Variants in APMAP observed in about 807,000 individuals in gnomAD.
APMAP encodes adipocyte plasma membrane associated protein.
Under a neutral mutation model 43.6 loss-of-function variants are expected in APMAP, and 33 were observed. The ratio of observed to expected loss-of-function variants is 0.76; its 90% confidence interval spans 0.57 to 1.01. APMAP has a LOEUF of 1.01. APMAP is among the 50% of genes least tolerant of loss of function. The probability of loss-of-function intolerance (pLI) is 0.00; values close to 1 mark genes in which losing one functional copy is unlikely to be tolerated. For missense variants in APMAP, 498 were observed against 540.7 expected, an observed-to-expected ratio of 0.92 and a Z score of 0.78; for synonymous variants, 224 against 216.7, an observed-to-expected ratio of 1.03 and a Z score of -0.30.
At chr20:24,977,584 T>C (rs1005155019) in intron 3 of APMAP, among the ~76,000 whole-genome samples, 1 of 152,120 alleles carries the variant, frequency 6.6e-6, no homozygotes, top group African/African-American at 2.4e-5. Context: ...AGGACCCCAC[T>C]GTGCCTGGCC....
chr20:24,983,317 G>A (rs1433315034), intron 2 of APMAP, among the ~76,000 whole-genome samples: 1 of 152,182 alleles, frequency 6.6e-6, no homozygotes, highest in African/African-American at 2.4e-5. Context: ...GGAAATTACT[G>A]AACCAGACTG....
rs546007350 is a variant in APMAP, at chr20:24,991,257, T to C, written c.95+1337A>G. On this transcript the variant is annotated intron_variant, in intron 1 of 8. Coordinates refer to ENST00000217456, the MANE Select transcript of APMAP (RefSeq NM_020531.3). ...TTTTCAAGATTTCTGTAGGAAAGTG[T>C]TGCCAATTCTTGCATGTCCATTCTA... 5.8e-4 allele frequency among the ~76,000 whole-genome samples: 88 copies of C among 152,374 alleles called. 2 individuals are homozygous for C. In the South Asian group the frequency reaches 0.018, roughly 31 times the overall value.
chr20:24,975,870 C>A (rs2088046490), intron 3 of APMAP, among the ~76,000 whole-genome samples: 1 of 152,090 alleles, frequency 6.6e-6, no homozygotes, highest in Non-Finnish European at 1.5e-5. Context: ...CAGAGACAGA[C>A]CCACATAAAT....
At chr20:24,986,871 G>A (rs1030413746) in intron 1 of APMAP, among the ~76,000 whole-genome samples, 1 of 152,212 alleles carries the variant, frequency 6.6e-6, no homozygotes, top group Non-Finnish European at 1.5e-5. Flanking sequence ...GCAAGAGGAG[G>A]GAGTGGAGGA....
chr20:24,974,403 G>A (rs1029524582), intron 3 of APMAP: 5 of 152,010 alleles, frequency 3.3e-5, no homozygotes, highest in Non-Finnish European at 5.9e-5. Flanking sequence ...AACTACAAAA[G>A]ACAAAAAGAG....
chr20:24,973,326 C>T (rs1173075251), intron 4 of APMAP, among the ~76,000 whole-genome samples: 1 of 152,210 alleles, frequency 6.6e-6, no homozygotes, highest in Non-Finnish European at 1.5e-5. Context: ...TGTGATAACA[C>T]CTATTAGCCT....
chr20:24,963,805 TG>T lies in APMAP; in HGVS notation c.*7del. ...GGCCTGCGTGGCAGGGGCAGCTATCTGGGAGGGCTAAACAGCCTGGAGGCTG... is the reference window on the plus strand; with the variant it reads ...GGCCTGCGTGGCAGGGGCAGCTATCTGGAGGGCTAAACAGCCTGGAGGCTG... On this transcript the variant is annotated 3_prime_UTR_variant, in exon 9 of 9. Coordinates refer to ENST00000217456, the MANE Select transcript of APMAP (RefSeq NM_020531.3). 6.2e-7 allele frequency: 1 copy of T among 1,613,652 alleles called. No individual in the cohort carries two copies. The highest frequency in any genetic ancestry group is 1.1e-5 in the South Asian group (1 of 91,078).
At chr20:24,970,428 G>A (rs553764947) in intron 5 of APMAP, 57 bp from the exon 6 acceptor site, 2 of 1,487,062 alleles carry the variant, frequency 1.3e-6, no homozygotes, top group Non-Finnish European at 1.8e-6. Context: ...CTCAATAATT[G>A]CAAAATATTA....
chr20:24,978,729 G>C (rs1448903843), intron 3 of APMAP, 38 bp downstream of exon 3: 1 of 1,246,186 alleles, frequency 8.0e-7, no homozygotes, highest in Non-Finnish European at 1.1e-6. Flanking sequence ...ACAACAGACA[G>C]CCTGGAAGGC....
chr20:24,986,375 C>T (rs2088147042), intron 1 of APMAP, among the ~76,000 whole-genome samples: 1 of 152,152 alleles, frequency 6.6e-6, no homozygotes, highest in African/African-American at 2.4e-5. Context: ...CACAGACACA[C>T]CAGGGAGAGG....
At position 24,970,279 on chromosome 20, in the gene APMAP, T is replaced by G. The variant is rs1216507050; in HGVS notation, c.631A>C (p.Lys211Gln). Reference protein sequence around the residue: ...NDLTVTQDGRKIYFTDSSSKW... With the variant: ...NDLTVTQDGRQIYFTDSSSKW... ...CTGCTAGAATCGGTGAAATAAATCT[T>G]CCTCCCATCCTGAGTGACTGTAAGA... is the stretch of plus-strand genomic sequence containing the variant. Residue 211 changes from lysine to glutamine, a missense_variant, in exon 6 of 9, where the codon AAG (lysine) becomes CAG (glutamine). Coordinates refer to ENST00000217456, the MANE Select transcript of APMAP (RefSeq NM_020531.3). The G allele has an allele frequency of 6.2e-7, 1 of 1,613,744 alleles. No homozygotes were observed. Among genetic ancestry groups the G allele is most frequent in the African/African-American group, 1.3e-5 (1 of 74,784 alleles).
At chr20:24,964,378 A>T (rs1478504298) in intron 8 of APMAP, 2 of 508,250 alleles carry the variant, frequency 3.9e-6, no homozygotes, top group Admixed American at 2.3e-5. Context: ...CACTCACCAG[A>T]TCACAACCAG....
rs2087971173 is a variant in APMAP, at chr20:24,968,936, C to T, written c.997G>A (p.Asp333Asn). ...IRPNPGFSML[D>N]FLSERPWIKR... Reference sequence around the variant, plus strand: ...ATCCAGGGTCTCTCAGATAAGAAATCCAGCATGGAAAACCCAGGGTTAGGG... The same window carrying T: ...ATCCAGGGTCTCTCAGATAAGAAATTCAGCATGGAAAACCCAGGGTTAGGG... Residue 333 changes from aspartate (D) to asparagine (N), a missense_variant, in exon 8 of 9, where the codon GAT (aspartate) becomes AAT (asparagine). Transcript: ENST00000217456. 1.2e-6 allele frequency: 2 copies of T among 1,611,324 alleles called. No individual in the cohort carries two copies. Among genetic ancestry groups the T allele is most frequent in the African/African-American group, 1.3e-5 (1 of 74,742 alleles).
intron 7 of APMAP, 44 bp downstream of exon 7, chr20:24,969,482 G>A: frequency 6.4e-7 from 1 of 1,560,658 alleles, no homozygotes; most frequent in Non-Finnish European, 8.7e-7. Context: ...CGGCCATGAT[G>A]CGCTCTGGCC....
At chr20:24,991,955 AG>A (rs1213107467) in intron 1 of APMAP, among the ~76,000 whole-genome samples, 1 of 152,208 alleles carries the variant, frequency 6.6e-6, no homozygotes, top group African/African-American at 2.4e-5. Flanking sequence ...CATCCCTATC[AG>A]GAAAAACTGC....
rs556924302 is a variant in APMAP, at chr20:24,978,726, A to C, written c.328+41T>G. The C allele has an allele frequency of 1.4e-4, 115 of 822,290 alleles. 3 individuals carry two copies. The highest frequency in any genetic ancestry group is 1.2e-3 in the South Asian group (93 of 75,712). The allele number at this position is 822,290 out of a possible 1,614,324, so 50.9% of individuals were successfully genotyped here. A position where few individuals can be genotyped will look rare whatever the true frequency, so the allele number is the denominator to read the frequency against. On this transcript the variant is annotated intron_variant, in intron 3 of 8. Transcript: ENST00000217456. ...CAGAACCCGCCCCCTCAGACAACAGACAGCCTGGAAGGCTCCCCCCCCACC... is the reference window on the plus strand; with the variant it reads ...CAGAACCCGCCCCCTCAGACAACAGCCAGCCTGGAAGGCTCCCCCCCCACC...
intron 4 of APMAP, 78 bp downstream of exon 4, chr20:24,973,566 GA>G: frequency 7.2e-7 from 1 of 1,383,258 alleles, no homozygotes; most frequent in South Asian, 1.2e-5. Context: ...GCATTCTAGG[GA>G]AAAGCAGTTC....
chr20:24,973,529 T>G (rs1322687952), intron 4 of APMAP, 116 bp downstream of exon 4: 1 of 977,822 alleles, frequency 1.0e-6, no homozygotes, highest in Non-Finnish European at 1.5e-6. Context: ...ATCTACTAGA[T>G]GGTCAGAGGT....
intron 1 of APMAP, among the ~76,000 whole-genome samples, chr20:24,987,552 T>C (rs1428123212): frequency 1.3e-5 from 2 of 152,210 alleles, no homozygotes; most frequent in Non-Finnish European, 2.9e-5. Context: ...GAGTTGGTGG[T>C]TGCCCAACAT....
Sources: allele counts gnomAD v4.1 joint callset (sites outside exome capture counted in the v4.1 genomes callset), GRCh38; gene constraint gnomAD v4.1.1; transcripts MANE v1.5; gene names NCBI Gene and HGNC (gene_info 2026-07-23, HGNC 2026-07-21).